RILPL2: variants seen among roughly 807,000 people sequenced by gnomAD.
RILPL2 encodes RILP-like protein 2.
Under a neutral mutation model 22.2 loss-of-function variants are expected in RILPL2, and 19 were observed. The ratio of observed to expected loss-of-function variants is 0.86; its 90% CI spans 0.60 to 1.25. The LOEUF is 1.25. Ranked by LOEUF, RILPL2 falls within the 50% of genes most tolerant of loss-of-function variation. The pLI is 0.00. For synonymous variants in RILPL2, 123 were observed against 111.6 expected (o/e 1.10, Z -0.64); for missense variants, 243 against 263.6 (o/e 0.92, Z 0.54).
Position 123,436,432 on chromosome 12 carries a change from C to G in RILPL2, c.-12G>C. On this transcript the variant is annotated 5_prime_UTR_variant, in exon 1 of 4. Transcript: ENST00000280571. The surrounding 1 kb of genome is among the most constrained non-coding windows in gnomAD (Gnocchi z 6.7). ...GGGGGCTCCTCCATGGCCACCCAGACCCCCGCCGACCTCGGAGCTGCTGTC... is the reference window on the plus strand; with the variant it reads ...GGGGGCTCCTCCATGGCCACCCAGAGCCCCGCCGACCTCGGAGCTGCTGTC... 6.5e-7 allele frequency: 1 copy of G among 1,543,334 alleles called. No individual in the cohort carries two copies. The highest frequency in any genetic ancestry group is 1.7e-4 in the Middle Eastern group (1 of 5,984).
rs1334288165 is a variant in RILPL2, at chr12:123,419,229, C to T, written c.606-3308G>A. Among the ~76,000 whole-genome samples the T allele has an allele frequency of 8.2e-5, 12 of 146,932 alleles. 1 individual carries two copies. On this transcript the variant is annotated intron_variant, in intron 3 of 3. Transcript: ENST00000280571. ...GTTTCACCATGTTAGCCAGGATGGT[C>T]AGCCAGGATGGTCTCCATATCCTGA...
downstream of RILPL2, chr12:123,414,295 G>A (rs559095397): frequency 8.0e-4 from 124 of 154,846 alleles, 1 homozygote; most frequent in South Asian, 0.015. Flanking sequence ...GAAATCGAGC[G>A]CAGCGCCGGT....
chr12:123,436,187 C>A lies in RILPL2; in HGVS notation c.234G>T (p.Leu78=). 1 of 1,611,298 alleles carries A rather than the reference C, an allele frequency of 6.2e-7. No homozygotes were observed. The highest frequency in any genetic ancestry group is 8.5e-7 in the Non-Finnish European group (1 of 1,178,964). Residue 78 remains leucine (L), a synonymous_variant, in exon 1 of 4, where the codon CTG becomes CTT. Coordinates refer to ENST00000280571, the MANE Select transcript of RILPL2 (RefSeq NM_145058.3). This position sits in a 1 kb window ranked among gnomAD's most constrained non-coding sequence, Gnocchi z 6.7. Reference sequence around the variant, plus strand: ...CCAGCGCCAGGCTGCCCTCATTCACCAGCGCCTCCAGCATCTCCAGGACGC... The same window carrying A: ...CCAGCGCCAGGCTGCCCTCATTCACAAGCGCCTCCAGCATCTCCAGGACGC... ...VVRVLEMLEA[L]VNEGSLALEE... is the part of the protein sequence containing the mutation.
intron 3 of RILPL2, among the ~76,000 whole-genome samples, chr12:123,420,330 G>T (rs534270207): frequency 6.6e-6 from 1 of 150,874 alleles, no homozygotes; most frequent in Non-Finnish European, 1.5e-5. Context: ...TGGCAGAGAC[G>T]GGGTTTCACC....
intron 3 of RILPL2, 127 bp downstream of exon 3, chr12:123,422,917 T>G (rs1190297140): frequency 7.4e-6 from 5 of 672,224 alleles, no homozygotes; most frequent in Non-Finnish European, 1.3e-5. Flanking sequence ...TCCCATGGGC[T>G]GCAGCACCAC....
In RILPL2 at chr12:123,436,172, G is replaced by A; in HGVS notation, c.249C>T (p.Ser83=). 2 of 1,609,802 alleles carry A rather than the reference G, an allele frequency of 1.2e-6. No homozygotes were observed. Among genetic ancestry groups the A allele is most frequent in the Middle Eastern group, 1.7e-4 (1 of 6,060 alleles). ...EMLEALVNEG[S]LALEELKMER... is the part of the protein sequence containing the mutation. ...CCATCTTCAGCTCCTCCAGCGCCAG[G>A]CTGCCCTCATTCACCAGCGCCTCCA... The change falls in exon 1 of 4, where the codon AGC becomes AGT. Residue 83 remains serine (S), a synonymous_variant. Coordinates refer to ENST00000280571, the MANE Select transcript of RILPL2 (RefSeq NM_145058.3). The surrounding 1 kb of genome is among the most constrained non-coding windows in gnomAD (Gnocchi z 6.7).
chr12:123,426,309 C>T (rs1304352406), intron 2 of RILPL2, among the ~76,000 whole-genome samples: 3 of 151,882 alleles, frequency 2.0e-5, no homozygotes, highest in East Asian at 3.9e-4. Flanking sequence ...CCACCACACC[C>T]GGCTAATTTT....
chr12:123,430,575 G>A lies in RILPL2; in HGVS notation c.424C>T (p.Leu142=). ...RFTLQELRDV[L]QERNKLKSQL... ...GACTTGAGTTTGTTGCGTTCCTGCA[G>A]CACATCCCTTAGCTCCTGCAGAGTG... The change falls in exon 2 of 4, where the codon CTG becomes TTG. Residue 142 remains leucine (L), a synonymous_variant. Transcript: ENST00000280571. 1 of 1,613,234 alleles carries A rather than the reference G, an allele frequency of 6.2e-7. No homozygotes were observed. The highest frequency in any genetic ancestry group is 8.5e-7 in the Non-Finnish European group (1 of 1,179,464).
chr12:123,424,969 T>A (rs974768070), intron 2 of RILPL2, among the ~76,000 whole-genome samples: 1 of 152,000 alleles, frequency 6.6e-6, no homozygotes, highest in African/African-American at 2.4e-5. Context: ...AAGCTCCGCC[T>A]CCCGGGTTCA....
chr12:123,430,370 C>G (rs899121231), intron 2 of RILPL2, 138 bp downstream of exon 2: 6 of 727,544 alleles, frequency 8.2e-6, no homozygotes, highest in African/African-American at 3.7e-5. Context: ...GATCGCGCCA[C>G]TGCACTCCAG....
chr12:123,436,560 G>A lies in RILPL2; in HGVS notation c.-140C>T. ...GCGCGGCCCGGGGGTGGGCCCGGGGGGATGGTGCAAGGGGCCGCGCACGCG... is the reference window on the plus strand; with the variant it reads ...GCGCGGCCCGGGGGTGGGCCCGGGGAGATGGTGCAAGGGGCCGCGCACGCG... On this transcript the variant is annotated 5_prime_UTR_variant, in exon 1 of 4. Coordinates refer to ENST00000280571, the MANE Select transcript of RILPL2 (RefSeq NM_145058.3). This position sits in a 1 kb window ranked among gnomAD's most constrained non-coding sequence, Gnocchi z 6.7. 1 of 1,376,758 alleles carries A rather than the reference G, an allele frequency of 7.3e-7. No individual in the cohort carries two copies. Among genetic ancestry groups the A allele is most frequent in the East Asian group, 2.5e-5 (1 of 39,758 alleles). 85.3% of individuals were successfully genotyped at this position (1,376,758 alleles called of 1,614,324 possible).
At chr12:123,435,933 G>C (rs886419802) in intron 1 of RILPL2, 149 bp downstream of exon 1, 81 of 1,223,032 alleles carry the variant, frequency 6.6e-5, no homozygotes, top group Non-Finnish European at 8.7e-5. Flanking sequence ...TTTGAGACCA[G>C]CCTGGGCAAC....
At chr12:123,416,292 C>G (rs1052203626) in intron 3 of RILPL2, among the ~76,000 whole-genome samples, 17 of 151,990 alleles carry the variant, frequency 1.1e-4, no homozygotes, top group Non-Finnish European at 2.2e-4. Flanking sequence ...CCACTGCACT[C>G]CAGCCTGGGC....
chr12:123,425,907 C>T lies in RILPL2; in HGVS notation c.492-2750G>A, dbSNP rs1013414704. Among the ~76,000 whole-genome samples the T allele has an allele frequency of 2.6e-5, 4 of 152,070 alleles. No homozygotes were observed. In the East Asian group the frequency reaches 7.7e-4, roughly 29 times the overall value. ...CCTCAGGCAATCTGCCTGCCTCGGC[C>T]TCCCAAAGTGCTGGGATTACAGGCG... On this transcript the variant is annotated intron_variant, in intron 2 of 3. Coordinates refer to ENST00000280571, the MANE Select transcript of RILPL2 (RefSeq NM_145058.3).
At chr12:123,435,140 A>G (rs1706475) in intron 1 of RILPL2, among the ~76,000 whole-genome samples, 90,919 of 151,378 alleles carry the variant, frequency 0.6, 28,052 homozygotes, top group Admixed American at 0.67. Context: ...AGGTCACGCC[A>G]CTGCACTACA....
intron 1 of RILPL2, among the ~76,000 whole-genome samples, chr12:123,432,907 A>G (rs922981218): frequency 6.6e-6 from 1 of 152,136 alleles, no homozygotes; most frequent in Admixed American, 6.6e-5. Flanking sequence ...TAGAAATACA[A>G]TTGTCACTAT....
In RILPL2 at chr12:123,428,040, G is replaced by C. The variant is rs868294902; in HGVS notation, c.491+2468C>G. 3.9e-5 allele frequency among the ~76,000 whole-genome samples: 6 copies of C among 152,338 alleles called. No individual in the cohort carries two copies. In the Middle Eastern group the frequency reaches 0.01, roughly 259 times the overall value. Reference sequence around the variant, plus strand: ...CTTGTTCTCTGAGAATTCAAAACTAGAAAGAAAGTGTGTGGTTTTGCCCAC... The same window carrying C: ...CTTGTTCTCTGAGAATTCAAAACTACAAAGAAAGTGTGTGGTTTTGCCCAC... On this transcript the variant is annotated intron_variant, in intron 2 of 3. Transcript: ENST00000280571.
rs553494118 is a variant in RILPL2, at chr12:123,415,877, T to C, written c.*14A>G. The C allele has an allele frequency of 9.3e-6, 15 of 1,613,920 alleles. No individual in the cohort carries two copies. Among genetic ancestry groups the C allele is most frequent in the Non-Finnish European group, 1.3e-5 (15 of 1,179,776 alleles). ...TCTAGAATCAGAGCCATAGCCTTAC[T>C]TGTGGCCTTGGATCTAGGTCTGTTT... On this transcript the variant is annotated 3_prime_UTR_variant, in exon 4 of 4. Coordinates refer to ENST00000280571, the MANE Select transcript of RILPL2 (RefSeq NM_145058.3).
At chr12:123,426,009 C>G (rs1879434103) in intron 2 of RILPL2, among the ~76,000 whole-genome samples, 1 of 152,014 alleles carries the variant, frequency 6.6e-6, no homozygotes, top group Non-Finnish European at 1.5e-5. Flanking sequence ...GGGTCTTGAT[C>G]CATTGCCCAG....
Sources: gnomAD v4.1 joint callset for allele counts (sites outside exome capture counted in the v4.1 genomes callset) on GRCh38, gnomAD v4.1.1 for gene constraint, Gnocchi (gnomAD v3.1) non-coding constraint, MANE v1.5 for transcripts, NCBI Gene and HGNC (gene_info 2026-07-23, HGNC 2026-07-21) for gene names.